Variants in NMB observed in about 807,000 individuals in gnomAD.
The protein encoded by NMB is neuromedin-B.
Under a neutral mutation model 11.7 loss-of-function variants are expected in NMB, and 12 were observed. The observed-to-expected ratio is 1.03, with a 90% CI of 0.66 to 1.66. The LOEUF (loss-of-function observed/expected upper bound fraction) is 1.66, where lower values mean the gene tolerates loss of function less well. NMB is among the 40% of genes most tolerant of loss of function. The pLI, the probability that NMB is intolerant of heterozygous loss-of-function variation, is 0.00. For missense variants in NMB, 174 were observed against 157.9 expected, an observed-to-expected ratio of 1.10 and a Z score of -0.55; for synonymous variants, 76 against 72.6, an observed-to-expected ratio of 1.05 and a Z score of -0.24.
rs759788086 is a variant in NMB at position 84,655,426 on chromosome 15, A to G, written c.331-17T>C. ...CCTCCTGTACTGAAGAGAAACATACAGAAGAATTGAGCCAGGGAGGGGCTC... is the reference window on the plus strand; with the variant it reads ...CCTCCTGTACTGAAGAGAAACATACGGAAGAATTGAGCCAGGGAGGGGCTC... On this transcript the variant is annotated splice_polypyrimidine_tract_variant and intron_variant, in intron 2 of 2. Coordinates refer to ENST00000360476, the MANE Select transcript of NMB (RefSeq NM_021077.4). 1 of 1,613,364 alleles carries G rather than the reference A, an allele frequency of 6.2e-7. No homozygotes were observed. Among genetic ancestry groups the G allele is most frequent in the Admixed American group, 1.7e-5 (1 of 60,020 alleles).
intron 2 of NMB, among the ~76,000 whole-genome samples, chr15:84,656,019 C>T (rs141516913): frequency 1.3e-3 from 193 of 152,094 alleles, no homozygotes; most frequent in South Asian, 4.8e-3. Flanking sequence ...CAACAGGTGC[C>T]GCCAGGGAGC....
At chr15:84,656,001 C>T (rs1215464231) in intron 2 of NMB, among the ~76,000 whole-genome samples, 1 of 152,016 alleles carries the variant, frequency 6.6e-6, no homozygotes, top group East Asian at 1.9e-4. Context: ...GATATGAAGG[C>T]GAGTCTACAA....
chr15:84,657,896 A>G, intron 1 of NMB, 100 bp downstream of exon 1: 2 of 1,365,222 alleles, frequency 1.5e-6, no homozygotes, highest in South Asian at 1.5e-5. Flanking sequence ...ACCTGCTCCG[A>G]CACTAGTGTC....
chr15:84,658,127 C>T lies in NMB; in HGVS notation c.26G>A (p.Arg9Gln), dbSNP rs753514842. The T allele has an allele frequency of 2.6e-6, 4 of 1,523,700 alleles. No individual in the cohort carries two copies. The Admixed American group carries it at 8.4e-5, about 32-fold the overall frequency. 94.4% of individuals were successfully genotyped at this position (1,523,700 alleles called of 1,614,324 possible). ...GAAGAGCAGGAGGCTGCCGAACATC[C>T]GAGCGCCCCCCGCCCGCCGGGCCAT... MARRAGGA[R>Q]MFGSLLLFAL... is the part of the protein sequence containing the mutation. Residue 9 changes from arginine to glutamine, a missense_variant, in exon 1 of 3, where the codon CGG (arginine) becomes CAG (glutamine). Arg to Gln is a conservative substitution (Grantham distance 43, BLOSUM62 1). Transcript: ENST00000360476.
chr15:84,655,550 G>A (rs955044834), intron 2 of NMB, 141 bp from the exon 3 acceptor site: 2 of 1,077,054 alleles, frequency 1.9e-6, no homozygotes, highest in Admixed American at 1.9e-5. Flanking sequence ...AGAGCACCCT[G>A]AATTGCCTTG....
chr15:84,655,515 C>T (rs1259471258), intron 2 of NMB, 106 bp from the exon 3 acceptor site: 3 of 1,453,666 alleles, frequency 2.1e-6, no homozygotes, highest in Non-Finnish European at 2.9e-6. Flanking sequence ...TGGGCACCAG[C>T]AGGCTGTCAG....
chr15:84,655,320 T>G lies in NMB; in HGVS notation c.*54A>C. 6.2e-7 allele frequency: 1 copy of G among 1,614,114 alleles called. No individual in the cohort carries two copies. The highest frequency in any genetic ancestry group is 8.5e-7 in the Non-Finnish European group (1 of 1,179,968). On this transcript the variant is annotated 3_prime_UTR_variant, in exon 3 of 3. Coordinates refer to ENST00000360476, the MANE Select transcript of NMB (RefSeq NM_021077.4). ...ATCAACAGGGTCCCATTCAGCACCT[T>G]CCCTGGGTGGGCACAATCTAAGCCA...
At chr15:84,656,753 G>A (rs1596060194) in intron 2 of NMB, among the ~76,000 whole-genome samples, 2 of 151,982 alleles carry the variant, frequency 1.3e-5, no homozygotes, top group Non-Finnish European at 2.9e-5. Flanking sequence ...CTGGGCCTCA[G>A]GGTCCCATTC....
intron 2 of NMB, among the ~76,000 whole-genome samples, chr15:84,655,821 C>G (rs1896772063): frequency 6.6e-6 from 1 of 152,148 alleles, no homozygotes; most frequent in Non-Finnish European, 1.5e-5. Flanking sequence ...GACATTGTTT[C>G]CCTTCAGACT....
At position 84,655,230 on chromosome 15, in the gene NMB, C is replaced by T. The variant is rs1896758138; in HGVS notation, c.*144G>A. The T allele has an allele frequency of 6.5e-7, 1 of 1,543,558 alleles. No homozygotes were observed. On this transcript the variant is annotated 3_prime_UTR_variant, in exon 3 of 3. Transcript: ENST00000360476. Reference sequence around the variant, plus strand: ...TGCATCAGCGATATTTCTGGTGACCCAGCCAGAAATCACAGTAATGGAGTA... The same window carrying T: ...TGCATCAGCGATATTTCTGGTGACCTAGCCAGAAATCACAGTAATGGAGTA...
At chr15:84,656,933 C>T (rs1896789609) in intron 2 of NMB, among the ~76,000 whole-genome samples, 1 of 152,196 alleles carries the variant, frequency 6.6e-6, no homozygotes, top group Non-Finnish European at 1.5e-5. Context: ...GAACTTCTTT[C>T]CCTACTTCTT....
intron 2 of NMB, among the ~76,000 whole-genome samples, chr15:84,656,392 C>T (rs1357561784): frequency 6.6e-6 from 1 of 151,768 alleles, no homozygotes; most frequent in Non-Finnish European, 1.5e-5. Context: ...TTGGCTCCAG[C>T]TTTGGAGTCT....
chr15:84,657,964 G>T (rs1896805996), intron 1 of NMB, 32 bp downstream of exon 1: 3 of 1,578,394 alleles, frequency 1.9e-6, no homozygotes. Flanking sequence ...CTGGATGAGG[G>T]GCGCTTGCTT....
chr15:84,658,130 G>A lies in NMB; in HGVS notation c.23C>T (p.Ala8Val), dbSNP rs1438837048. 2 of 1,519,292 alleles carry A rather than the reference G, an allele frequency of 1.3e-6. No homozygotes were observed. The highest frequency in any genetic ancestry group is 1.2e-5 in the South Asian group (1 of 82,946). 94.1% of individuals were successfully genotyped at this position (1,519,292 alleles called of 1,614,324 possible). A position where few individuals can be genotyped will look rare whatever the true frequency, so the allele number is the denominator to read the frequency against. ...GAGCAGGAGGCTGCCGAACATCCGA[G>A]CGCCCCCCGCCCGCCGGGCCATGGC... Reference protein sequence around the residue: MARRAGGARMFGSLLLFA... With the variant: MARRAGGVRMFGSLLLFA... The change falls in exon 1 of 3, where the codon GCT (alanine) becomes GTT (valine). Residue 8 changes from alanine to valine, a missense_variant. Around this residue, in one of 2 missense-constraint regions of NMB, gnomAD observed 168 missense variants for 138.4 expected, o/e 1.21. Transcript: ENST00000360476.
chr15:84,655,460 G>A (rs1377494796), intron 2 of NMB, 51 bp from the exon 3 acceptor site: 1 of 1,609,406 alleles, frequency 6.2e-7, no homozygotes, highest in Non-Finnish European at 8.5e-7. Context: ...TCCTGATAAA[G>A]ATAGGGGCAT....
chr15:84,656,020 G>T (rs997006610), intron 2 of NMB, among the ~76,000 whole-genome samples: 1 of 152,080 alleles, frequency 6.6e-6, no homozygotes, highest in African/African-American at 2.4e-5. Context: ...AACAGGTGCC[G>T]CCAGGGAGCT....
rs1393084809 is a variant in NMB at position 84,657,454 on chromosome 15, A to G, written c.158-106T>C. The G allele has an allele frequency of 2.7e-6, 3 of 1,100,228 alleles. No homozygotes were observed. In the African/African-American group the frequency reaches 4.9e-5, roughly 18 times the overall value. The allele number at this position is 1,100,228 out of a possible 1,614,324, so 68.2% of individuals were successfully genotyped here. A position where few individuals can be genotyped will look rare whatever the true frequency, so the allele number is the denominator to read the frequency against. Reference sequence around the variant, plus strand: ...GTTTCCGTTCTTGTAGCGGGAAGACACTTAACCTTCCTCCTCTTGGTGCTT... The same window carrying G: ...GTTTCCGTTCTTGTAGCGGGAAGACGCTTAACCTTCCTCCTCTTGGTGCTT... On this transcript the variant is annotated intron_variant, in intron 1 of 2. Transcript: ENST00000360476.
intron 2 of NMB, among the ~76,000 whole-genome samples, chr15:84,656,550 G>A (rs1896785270): frequency 6.7e-6 from 1 of 149,098 alleles, no homozygotes; most frequent in African/African-American, 2.5e-5. Context: ...TAGAGACCAG[G>A]GATGCTGCCA....
chr15:84,657,964 G>A lies in NMB; in HGVS notation c.157+32C>T. On this transcript the variant is annotated intron_variant, in intron 1 of 2. Coordinates refer to ENST00000360476, the MANE Select transcript of NMB (RefSeq NM_021077.4). Reference sequence around the variant, plus strand: ...GAAATGGGGTCTGAACTGGATGAGGGGCGCTTGCTTGCTCCGTCCCCAAAG... The same window carrying A: ...GAAATGGGGTCTGAACTGGATGAGGAGCGCTTGCTTGCTCCGTCCCCAAAG... 1.9e-6 allele frequency: 3 copies of A among 1,578,394 alleles called. No individual in the cohort carries two copies. In the Middle Eastern group the frequency reaches 5.0e-4, roughly 265 times the overall value.
Sources: gnomAD v4.1 joint callset for allele counts (sites outside exome capture counted in the v4.1 genomes callset) on GRCh38, gnomAD v4.1.1 for gene constraint, gnomAD v4.1.1 regional missense constraint, MANE v1.5 for transcripts, NCBI Gene and HGNC (gene_info 2026-07-23, HGNC 2026-07-21) for gene names.